CTSE: variants seen among roughly 807,000 people sequenced by gnomAD.
CTSE encodes the protein cathepsin E.
In CTSE, 43 loss-of-function variants were observed where a neutral mutation model predicts 42.8. The observed-to-expected ratio is 1.01, with a 90% confidence interval of 0.79 to 1.30. The LOEUF (loss-of-function observed/expected upper bound fraction) is 1.30. Ranked by LOEUF, CTSE falls within the 50% of genes most tolerant of loss-of-function variation. The pLI is 0.00. For missense variants in CTSE, 532 were observed against 493.5 expected, an observed-to-expected ratio of 1.08 and a Z score of -0.74; for synonymous variants, 205 against 191.5, an observed-to-expected ratio of 1.07 and a Z score of -0.58.
rs1661140042 is a variant in CTSE at position 206,012,614 on chromosome 1, T to G, written c.821A>C (p.Glu274Ala). 6.2e-7 allele frequency: 1 copy of G among 1,613,994 alleles called. No homozygotes were observed. Among genetic ancestry groups the G allele is most frequent in the East Asian group, 2.2e-5 (1 of 44,882 alleles). Residue 274 changes from glutamate to alanine, a missense_variant, in exon 7 of 9, where the codon GAG becomes GCG. Transcript: ENST00000358184. The part of the protein sequence containing the change: ...QVGGTVMFCS[E>A]GCQAIVDTGT... ...TGTGTCCACAATGGCCTGGCAGCCC[T>G]CGGAGCAGAACATAACAGTGCCTCC...
chr1:206,015,294 AC>A (rs1412865964), intron 5 of CTSE, among the ~76,000 whole-genome samples: 2 of 151,980 alleles, frequency 1.3e-5, no homozygotes, highest in East Asian at 3.8e-4. Context: ...AGAATTCCTC[AC>A]TTCCCCTCCC....
chr1:206,020,735 C>A (rs767172630), intron 4 of CTSE, among the ~76,000 whole-genome samples: 11 of 151,996 alleles, frequency 7.2e-5, no homozygotes, highest in Admixed American at 6.6e-4. Flanking sequence ...TCCTTCAAGA[C>A]GGAGACGTGG....
At position 206,023,726 on chromosome 1, in the gene CTSE, G is replaced by A. The variant is rs782805713; in HGVS notation, c.66C>T (p.His22=). 1.9e-6 allele frequency: 3 copies of A among 1,613,524 alleles called. No homozygotes were observed. The highest frequency in any genetic ancestry group is 2.5e-6 in the Non-Finnish European group (3 of 1,179,594). ...LELGEAQGSL[H]RVPLRRHPSL... ...ACAGTGCGGGGACGTCTTCTCACCT[G>A]TGAAGGGATCCTTGGGCCTCTCCCA... Residue 22 remains histidine, a splice_region_variant and synonymous_variant, in exon 1 of 9, where the codon CAC becomes CAT. Transcript: ENST00000358184.
In CTSE at chr1:206,015,946, GA is replaced by G. The variant is rs1558152000; in HGVS notation, c.646del (p.Ser216LeufsTer4). 1.9e-6 allele frequency: 3 copies of G among 1,613,702 alleles called. No homozygotes were observed. In the Admixed American group the frequency reaches 5.0e-5, roughly 27 times the overall value. On this transcript the variant is annotated frameshift_variant, in exon 5 of 9. Transcript: ENST00000358184. LOFTEE classifies it high-confidence loss of function. ...TGGGCCTTACCTGCTCATGTAGACA[GA>G]AAACATCGGCAAGTCCACCAGGTTC... is the stretch of plus-strand genomic sequence containing the variant. ...AQNLVDLPMF[S>X]VYMSSNPEGG... is the part of the protein sequence containing the mutation.
chr1:206,013,481 C>T (rs1553277341), intron 6 of CTSE, among the ~76,000 whole-genome samples: 1 of 152,024 alleles, frequency 6.6e-6, no homozygotes, highest in African/African-American at 2.4e-5. Flanking sequence ...GTTACTCATC[C>T]CTTGCCTTGT....
At chr1:206,022,051 A>G in intron 3 of CTSE, 99 bp downstream of exon 3, 2 of 743,080 alleles carry the variant, frequency 2.7e-6, no homozygotes, top group Admixed American at 2.9e-5. Flanking sequence ...AGGGATGGCC[A>G]GTTTCTGGAA....
At position 206,021,051 on chromosome 1, in the gene CTSE, A is replaced by G. The variant is rs1553278293; in HGVS notation, c.460T>C (p.Ser154Pro). Reference sequence around the variant, plus strand: ...AAAAATGAAGGACTTGCACTCACAGAGACTTGGTCGGCTCCAATGATCCCG... The same window carrying G: ...AAAAATGAAGGACTTGCACTCACAGGGACTTGGTCGGCTCCAATGATCCCG... ...LSGIIGADQVSVEGLTVVGQQ... is the reference protein window; with the variant it reads ...LSGIIGADQVPVEGLTVVGQQ... Residue 154 changes from serine to proline, a missense_variant and splice_region_variant, in exon 4 of 9, where the codon TCT becomes CCT. Physicochemically the swap from Ser to Pro is moderately conservative, Grantham distance 74. Coordinates refer to ENST00000358184, the MANE Select transcript of CTSE (RefSeq NM_001910.4). 6.2e-7 allele frequency: 1 copy of G among 1,601,756 alleles called. No individual in the cohort carries two copies. The highest frequency in any genetic ancestry group is 8.6e-7 in the Non-Finnish European group (1 of 1,168,718).
chr1:206,011,278 C>T (rs1214489809), intron 8 of CTSE, among the ~76,000 whole-genome samples: 2 of 151,986 alleles, frequency 1.3e-5, no homozygotes, highest in African/African-American at 2.4e-5. Context: ...CACGCACCTC[C>T]CCTCCCCTGG....
chr1:206,012,538 G>A lies in CTSE; in HGVS notation c.897C>T (p.Asn299=), dbSNP rs782158138. Residue 299 remains asparagine (N), a synonymous_variant, in exon 7 of 9, where the codon AAC becomes AAT. Transcript: ENST00000358184. ...CATCCACGGGGGCTGCCCCAATGGC[G>A]TTTTGCAGCTGCTTAATCTTGTCGG... ...GPSDKIKQLQ[N]AIGAAPVDGE... The A allele has an allele frequency of 3.0e-5, 49 of 1,613,842 alleles. No individual in the cohort carries two copies. The highest frequency in any genetic ancestry group is 8.9e-5 in the East Asian group (4 of 44,884).
rs200761138 is a variant in CTSE, at chr1:206,021,207, C to T, written c.344-40G>A. 24 of 1,481,402 alleles carry T rather than the reference C, an allele frequency of 1.6e-5. No individual in the cohort carries two copies. The East Asian group carries it at 5.4e-4, about 33-fold the overall frequency. The allele number at this position is 1,481,402 out of a possible 1,614,324, so 91.8% of individuals were successfully genotyped here. ...ACTGCTCTTGCTTATGCCATCGGCT[C>T]ACTGGCTGCATCCCTGCCCTAATGC... On this transcript the variant is annotated intron_variant, in intron 3 of 8. Coordinates refer to ENST00000358184, the MANE Select transcript of CTSE (RefSeq NM_001910.4).
At chr1:206,015,834 C>G in intron 5 of CTSE, 97 bp downstream of exon 5, 1 of 1,053,064 alleles carries the variant, frequency 9.5e-7, no homozygotes, top group Non-Finnish European at 1.4e-6. Flanking sequence ...ATGGACCAAG[C>G]TACCTAAACC....
intron 5 of CTSE, among the ~76,000 whole-genome samples, chr1:206,015,558 G>A (rs557062640): frequency 2.7e-4 from 41 of 152,102 alleles, no homozygotes; most frequent in African/African-American, 9.9e-4. Flanking sequence ...TTTATTGTCA[G>A]CTTTTCATTT....
chr1:206,022,076 C>A, intron 3 of CTSE, 74 bp downstream of exon 3: 1 of 1,001,184 alleles, frequency 1.0e-6, no homozygotes, highest in Non-Finnish European at 1.5e-6. Context: ...AGCCCCCCTT[C>A]CCCAGAGTAC....
chr1:206,023,865 C>T lies in CTSE; in HGVS notation c.-74G>A. On this transcript the variant is annotated 5_prime_UTR_variant, in exon 1 of 9. Coordinates refer to ENST00000358184, the MANE Select transcript of CTSE (RefSeq NM_001910.4). ...CCCGAGGGCAGTGGGAACGGACTTT[C>T]CCTAACTCTCAGACCTGCCCAGCCC... 2.7e-6 allele frequency: 4 copies of T among 1,480,554 alleles called. No homozygotes were observed. Among genetic ancestry groups the T allele is most frequent in the Non-Finnish European group, 3.8e-6 (4 of 1,064,498 alleles). The allele number at this position is 1,480,554 out of a possible 1,614,324, so 91.7% of individuals were successfully genotyped here.
At position 206,010,051 on chromosome 1, in the gene CTSE, G is replaced by T; in HGVS notation, c.*132C>A. The stretch of plus-strand genomic sequence containing the variant: ...TGTGTGTATTCTCATGTTCTGTTTG[G>T]TCTTAATTCAAGTTGCAACCCTGGA... On this transcript the variant is annotated 3_prime_UTR_variant, in exon 9 of 9. Transcript: ENST00000358184. The T allele has an allele frequency of 1.0e-6, 1 of 967,652 alleles. No individual in the cohort carries two copies. The highest frequency in any genetic ancestry group is 1.6e-6 in the Non-Finnish European group (1 of 622,046). 59.9% of individuals were successfully genotyped at this position (967,652 alleles called of 1,614,324 possible).
intron 3 of CTSE, 195 bp from the exon 4 acceptor site, chr1:206,021,362 G>A (rs1038488921): frequency 1.7e-6 from 1 of 579,372 alleles, no homozygotes. Flanking sequence ...TGGCCTAACT[G>A]GGGACCAAAT....
intron 1 of CTSE, among the ~76,000 whole-genome samples, chr1:206,023,355 A>G (rs1661508214): frequency 6.6e-6 from 1 of 151,902 alleles, no homozygotes; most frequent in Non-Finnish European, 1.5e-5. Flanking sequence ...TTACATGAAC[A>G]TCACGAAGGG....
rs569371999 is a variant in CTSE, at chr1:206,012,613, C to T, written c.822G>A (p.Glu274=). Residue 274 remains glutamate (E), a synonymous_variant, in exon 7 of 9, where the codon GAG becomes GAA. Coordinates refer to ENST00000358184, the MANE Select transcript of CTSE (RefSeq NM_001910.4). ...QVGGTVMFCS[E]GCQAIVDTGT... The stretch of plus-strand genomic sequence containing the variant: ...CTGTGTCCACAATGGCCTGGCAGCC[C>T]TCGGAGCAGAACATAACAGTGCCTC... The T allele has an allele frequency of 6.2e-7, 1 of 1,614,020 alleles. No homozygotes were observed. Among genetic ancestry groups the T allele is most frequent in the East Asian group, 2.2e-5 (1 of 44,882 alleles).
chr1:206,010,070 C>G lies in CTSE; in HGVS notation c.*113G>C. On this transcript the variant is annotated 3_prime_UTR_variant, in exon 9 of 9. Transcript: ENST00000358184. Reference sequence around the variant, plus strand: ...TGTTTGGTCTTAATTCAAGTTGCAACCCTGGAAACAGCTACATTCTCTGGA... The same window carrying G: ...TGTTTGGTCTTAATTCAAGTTGCAAGCCTGGAAACAGCTACATTCTCTGGA... 1.5e-6 allele frequency: 2 copies of G among 1,341,104 alleles called. No homozygotes were observed. Among genetic ancestry groups the G allele is most frequent in the South Asian group, 1.2e-5 (1 of 81,094 alleles). The allele number at this position is 1,341,104 out of a possible 1,614,324, so 83.1% of individuals were successfully genotyped here.
Sources: allele counts gnomAD v4.1 joint callset (sites outside exome capture counted in the v4.1 genomes callset), GRCh38; gene constraint gnomAD v4.1.1; transcripts MANE v1.5; gene names NCBI Gene and HGNC (gene_info 2026-07-23, HGNC 2026-07-21).